The following CD99 variants were observed in gnomAD, a reference collection of about 807,000 sequenced individuals.
CD99 encodes the protein CD99 antigen.
CD99 carries 19 observed loss-of-function variants against 28.4 expected under a neutral mutation model. That is an observed-to-expected ratio of 0.67 (90% CI 0.47 to 0.98). The LOEUF is 0.98. Among genes scored for constraint, CD99 ranks in the 50% least tolerant of loss-of-function variants. The pLI is 0.00. For synonymous variants in CD99, 103 were observed against 92.1 expected, an observed-to-expected ratio of 1.12 and a Z score of -0.67; for missense variants, 283 against 248.8, an observed-to-expected ratio of 1.14 and a Z score of -0.92.
chrX:2,729,732 G>T (rs138440401), intron 8 of CD99, among the ~76,000 whole-genome samples: 1 of 152,056 alleles, frequency 6.6e-6, no homozygotes, highest in Non-Finnish European at 1.5e-5. Context: ...TACCTTATCC[G>T]CCCCGCCACC....
chrX:2,727,372 G>C (rs925356241), intron 8 of CD99: 1 of 776,910 alleles, frequency 1.3e-6, no homozygotes, highest in South Asian at 1.4e-5. Context: ...TTGGAACACA[G>C]CTAACGTGCA....
At chrX:2,711,065 G>A (rs1192358100) in intron 1 of CD99, among the ~76,000 whole-genome samples, 2 of 150,184 alleles carry the variant, frequency 1.3e-5, no homozygotes, top group Non-Finnish European at 3.0e-5. Flanking sequence ...TAGAGACGGG[G>A]TTTCACCATG....
intron 1 of CD99, among the ~76,000 whole-genome samples, chrX:2,694,177 CG>C (rs1267958396): frequency 6.6e-6 from 1 of 152,100 alleles, no homozygotes; most frequent in Non-Finnish European, 1.5e-5. Flanking sequence ...GCGGCCTGTG[CG>C]GTTTGAAAAA....
At chrX:2,695,139 C>T (rs1170612056) in intron 1 of CD99, among the ~76,000 whole-genome samples, 5 of 151,882 alleles carry the variant, frequency 3.3e-5, no homozygotes, top group African/African-American at 7.3e-5. Flanking sequence ...AAAAGAATTA[C>T]GTGTCCTTTG....
chrX:2,700,043 G>A (rs1406097493), intron 1 of CD99, among the ~76,000 whole-genome samples: 12 of 152,132 alleles, frequency 7.9e-5, no homozygotes, highest in Non-Finnish European at 5.9e-5. Context: ...GGTCAGCATG[G>A]GGAAAAATGC....
At chrX:2,736,973 G>C (rs1437975761) in intron 8 of CD99, among the ~76,000 whole-genome samples, 1 of 152,006 alleles carries the variant, frequency 6.6e-6, no homozygotes, top group Non-Finnish European at 1.5e-5. Flanking sequence ...CGCCTTGGCT[G>C]TCTTGTCCTT....
At chrX:2,693,672 G>A (rs1380544293) in intron 1 of CD99, among the ~76,000 whole-genome samples, 1 of 152,160 alleles carries the variant, frequency 6.6e-6, no homozygotes, top group East Asian at 1.9e-4. Context: ...TGATCTCAGA[G>A]TGTTGGGGAC....
intron 2 of CD99, among the ~76,000 whole-genome samples, chrX:2,716,004 A>C (rs1378338844): frequency 2.7e-5 from 4 of 150,126 alleles, no homozygotes; most frequent in Non-Finnish European, 5.9e-5. Context: ...TCAACCCAGG[A>C]CAGCCCTCTT....
At chrX:2,691,616 C>T in intron 1 of CD99, 189 bp downstream of exon 1, 1 of 723,852 alleles carries the variant, frequency 1.4e-6, no homozygotes, top group Non-Finnish European at 2.5e-6. Context: ...CAACGCTTTT[C>T]CTGGAGCCGT....
intron 1 of CD99, 31 bp downstream of exon 1, chrX:2,691,458 A>ACGCGGAGGG: frequency 1.3e-6 from 2 of 1,568,472 alleles, no homozygotes; most frequent in Non-Finnish European, 1.7e-6. Flanking sequence ...GGGTTGGGGG[A>ACGCGGAGGG]CGCGGAGGGC....
intron 9 of CD99, among the ~76,000 whole-genome samples, chrX:2,738,487 G>A (rs1569452391): frequency 6.6e-6 from 1 of 152,122 alleles, no homozygotes; most frequent in Admixed American, 6.5e-5. Flanking sequence ...CTAAGTCTCT[G>A]TTTAACAAAA....
Position 2,737,902 on chromosome X carries a change from T to TCA in CD99, c.476-297_476-296insAC, listed in dbSNP as rs2050026955. The TCA allele has an allele frequency of 1.3e-5, 8 of 597,588 alleles. No homozygotes were observed. In the South Asian group the frequency reaches 1.5e-4, roughly 11 times the overall value. 37.0% of individuals were successfully genotyped at this position (597,588 alleles called of 1,614,324 possible). On this transcript the variant is annotated intron_variant, in intron 8 of 9. Transcript: ENST00000381192. ...ATAGAAAGAGCTTCCATGTGCGTGT[T>TCA]CCTCAGTGTTTAGGGAGAAGAAAGC...
chrX:2,721,053 T>C (rs1208887028), intron 5 of CD99, among the ~76,000 whole-genome samples: 1 of 152,176 alleles, frequency 6.6e-6, no homozygotes, highest in Non-Finnish European at 1.5e-5. Context: ...GAAGCTAGTG[T>C]GTTTTAAATC....
intron 8 of CD99, among the ~76,000 whole-genome samples, chrX:2,728,847 T>G (rs1478409867): frequency 2.7e-5 from 4 of 150,298 alleles, no homozygotes; most frequent in Admixed American, 6.6e-5. Flanking sequence ...TTTTTTTTTT[T>G]TTTTTTTGAG....
intron 1 of CD99, among the ~76,000 whole-genome samples, chrX:2,693,138 T>TTGG (rs199743644): frequency 6.8e-6 from 1 of 146,412 alleles, no homozygotes; most frequent in Admixed American, 6.8e-5. Context: ...TTTGTTTTTG[T>TTGG]TGGTGGTGGT....
At chrX:2,733,823 G>C (rs775664441) in intron 8 of CD99, among the ~76,000 whole-genome samples, 85 of 152,330 alleles carry the variant, frequency 5.6e-4, no homozygotes, top group African/African-American at 2.0e-3. Flanking sequence ...GTCATGCATG[G>C]ATTTTTAAAT....
chrX:2,709,719 T>C lies in CD99; in HGVS notation c.68-4703T>C, dbSNP rs1291071868. On this transcript the variant is annotated intron_variant, in intron 1 of 9. Coordinates refer to ENST00000381192, the MANE Select transcript of CD99 (RefSeq NM_002414.5). ...ATGAACATAGACACACACATGCATG[T>C]ACATAGACACGCACATGCATGTACA... Among the ~76,000 whole-genome samples, 2 of 152,186 alleles carry C rather than the reference T, an allele frequency of 1.3e-5. 1 individual carries two copies.
chrX:2,705,308 A>G (rs1200152389), intron 1 of CD99, among the ~76,000 whole-genome samples: 3 of 152,186 alleles, frequency 2.0e-5, no homozygotes, highest in Non-Finnish European at 4.4e-5. Context: ...ACATCCTGTT[A>G]CTGACGGGAA....
At chrX:2,729,979 C>T (rs1289410385) in intron 8 of CD99, among the ~76,000 whole-genome samples, 5 of 152,036 alleles carry the variant, frequency 3.3e-5, no homozygotes, top group Admixed American at 2.0e-4. Context: ...ATAGTGAAAC[C>T]TCATCTCTAC....
Sources: allele counts gnomAD v4.1 joint callset (sites outside exome capture counted in the v4.1 genomes callset), GRCh38; gene constraint gnomAD v4.1.1; transcripts MANE v1.5; gene names NCBI Gene and HGNC (gene_info 2026-07-23, HGNC 2026-07-21).